The following HTR4 variants were observed in gnomAD, a reference collection of about 807,000 sequenced individuals.
HTR4 encodes the protein 5-hydroxytryptamine receptor 4.
Under a neutral mutation model 36.8 loss-of-function variants are expected in HTR4, and 16 were observed. The observed-to-expected ratio is 0.43, with a 90% confidence interval of 0.29 to 0.66. The LOEUF (loss-of-function observed/expected upper bound fraction) is 0.66, where lower values mean the gene tolerates loss of function less well. Among genes scored for constraint, HTR4 ranks in the 30% least tolerant of loss-of-function variants. HTR4 has a pLI of 0.13. For synonymous variants in HTR4, 189 were observed against 185.1 expected (o/e 1.02, Z -0.17); for missense variants, 438 against 490.9 (o/e 0.89, Z 1.02).
intron 5 of HTR4, among the ~76,000 whole-genome samples, chr5:148,514,972 C>G (rs966827493): frequency 2.0e-5 from 3 of 151,972 alleles, no homozygotes; most frequent in Admixed American, 2.0e-4. Flanking sequence ...TGTTTTGATG[C>G]AGTCTGACAA....
rs531018568 is a variant in HTR4, at chr5:148,653,598, C to G, written c.-48+464G>C. On this transcript the variant is annotated intron_variant, in intron 1 of 6. Coordinates refer to ENST00000377888, the MANE Select transcript of HTR4 (RefSeq NM_000870.7). The stretch of plus-strand genomic sequence containing the variant: ...ACGCTCAAGACACACTATCTTGTCT[C>G]TCTCTCTCTAACACACACACACACA... Among the ~76,000 whole-genome samples the G allele has an allele frequency of 1.2e-3, 160 of 132,742 alleles. 1 individual carries two copies. The highest frequency in any genetic ancestry group is 4.3e-3 in the African/African-American group (152 of 35,366). 87.1% of individuals were successfully genotyped at this position (132,742 alleles called of 152,430 possible).
chr5:148,457,440 G>C (rs774748078), intron 5 of HTR4, among the ~76,000 whole-genome samples: 7 of 150,548 alleles, frequency 4.6e-5, no homozygotes, highest in African/African-American at 1.5e-4. Flanking sequence ...AATTAGCATC[G>C]CACTTAGAGC....
rs777937460 is a variant in HTR4 at position 148,509,821 on chromosome 5, C to T, written c.711G>A (p.Glu237=). The T allele has an allele frequency of 6.2e-7, 1 of 1,614,006 alleles. No homozygotes were observed. The highest frequency in any genetic ancestry group is 8.5e-7 in the Non-Finnish European group (1 of 1,179,998). The change falls in exon 6 of 7, where the codon GAG becomes GAA. Residue 237 remains glutamate (E), a synonymous_variant. Coordinates refer to ENST00000377888, the MANE Select transcript of HTR4 (RefSeq NM_000870.7). The part of the protein sequence containing the change: ...QMLQRAGASS[E]SRPQSADQHS... ...GCTGGTCTGCCGACTGAGGCCTGCT[C>T]TCGGAGGAGGCTCCTGCCCGTTGTA...
chr5:148,521,504 G>A (rs934301584), intron 5 of HTR4, among the ~76,000 whole-genome samples: 2 of 151,670 alleles, frequency 1.3e-5, no homozygotes, highest in African/African-American at 4.8e-5. Flanking sequence ...GACTCTCCTG[G>A]GCTCTAGTGT....
chr5:148,639,207 AT>A (rs1753648290), intron 1 of HTR4, among the ~76,000 whole-genome samples: 1 of 152,052 alleles, frequency 6.6e-6, no homozygotes, highest in African/African-American at 2.4e-5. Flanking sequence ...CCAGAATGAT[AT>A]TTTTTAAATG....
chr5:148,569,497 T>C (rs1033784845), intron 2 of HTR4, among the ~76,000 whole-genome samples: 4 of 152,182 alleles, frequency 2.6e-5, no homozygotes, highest in South Asian at 4.1e-4. Context: ...TGTGCATGTA[T>C]CCTGGAACTT....
intron 2 of HTR4, among the ~76,000 whole-genome samples, chr5:148,569,778 T>C (rs1212407221): frequency 1.3e-5 from 2 of 151,980 alleles, no homozygotes; most frequent in African/African-American, 4.8e-5. Flanking sequence ...TGCATACATA[T>C]ACACATATTT....
At chr5:148,518,751 C>T (rs1355498777) in intron 5 of HTR4, among the ~76,000 whole-genome samples, 3 of 152,160 alleles carry the variant, frequency 2.0e-5, no homozygotes, top group African/African-American at 7.2e-5. Flanking sequence ...CCTTGAACTA[C>T]CCAAGCATGC....
chr5:148,585,766 C>T (rs569448979), intron 2 of HTR4, among the ~76,000 whole-genome samples: 7 of 152,034 alleles, frequency 4.6e-5, no homozygotes, highest in Non-Finnish European at 7.4e-5. Flanking sequence ...TTTTGTATAC[C>T]GTCAGAAAGT....
intron 1 of HTR4, among the ~76,000 whole-genome samples, chr5:148,643,521 G>GA (rs1307318415): frequency 6.6e-6 from 1 of 151,596 alleles, no homozygotes; most frequent in Admixed American, 6.6e-5. Context: ...ATTTTGTGGG[G>GA]AAAAAAAAGA....
chr5:148,647,565 A>C (rs1208859232), intron 1 of HTR4, among the ~76,000 whole-genome samples: 1 of 152,128 alleles, frequency 6.6e-6, no homozygotes, highest in Non-Finnish European at 1.5e-5. Context: ...TAAGGTGGTT[A>C]GGGCCGGGGG....
At chr5:148,467,858 GC>G (rs1279299437) in intron 5 of HTR4, among the ~76,000 whole-genome samples, 1 of 152,132 alleles carries the variant, frequency 6.6e-6, no homozygotes, top group Non-Finnish European at 1.5e-5. Context: ...ATTGTACAAA[GC>G]CCTTGGACAT....
In HTR4 at chr5:148,610,303, G is replaced by T. The variant is rs555335677; in HGVS notation, c.26+26686C>A. 5.9e-5 allele frequency among the ~76,000 whole-genome samples: 9 copies of T among 152,284 alleles called. No homozygotes were observed. In the South Asian group the frequency reaches 1.9e-3, roughly 32 times the overall value. On this transcript the variant is annotated intron_variant, in intron 2 of 6. Transcript: ENST00000377888. ...CATCTGAGCTTTGAAGAGAGCAGTG[G>T]TTCTCCCAGTACGCAGCTGGAGATC...
intron 1 of HTR4, 94 bp downstream of exon 1, chr5:148,653,968 C>T (rs1754116198): frequency 1.2e-6 from 1 of 827,268 alleles, no homozygotes; most frequent in South Asian, 5.5e-5. Context: ...CCCCCAAGCC[C>T]CCGACCCCGT....
Position 148,605,729 on chromosome 5 carries a change from C to T in HTR4, c.26+31260G>A, listed in dbSNP as rs563300252. ...TATCACCATTGTATAGATGAAGAAACTAAATGTTTCTGTGATTTAAAAAAA... is the reference window on the plus strand; with the variant it reads ...TATCACCATTGTATAGATGAAGAAATTAAATGTTTCTGTGATTTAAAAAAA... On this transcript the variant is annotated intron_variant, in intron 2 of 6. Transcript: ENST00000377888. 1.9e-4 allele frequency among the ~76,000 whole-genome samples: 28 copies of T among 151,144 alleles called. No homozygotes were observed. In the South Asian group the frequency reaches 5.6e-3, roughly 30 times the overall value.
chr5:148,537,225 A>G (rs1307412513), intron 4 of HTR4, among the ~76,000 whole-genome samples: 1 of 152,174 alleles, frequency 6.6e-6, no homozygotes, highest in Non-Finnish European at 1.5e-5. Flanking sequence ...GATCTATGGA[A>G]CACAGCAAAG....
chr5:148,629,039 G>T (rs979545068), intron 2 of HTR4: 2 of 151,932 alleles, frequency 1.3e-5, no homozygotes, highest in African/African-American at 4.8e-5. Context: ...CAAGCTATTT[G>T]CATCCGCTGA....
chr5:148,642,801 G>T (rs1325062525), intron 1 of HTR4, among the ~76,000 whole-genome samples: 1 of 152,114 alleles, frequency 6.6e-6, no homozygotes, highest in Non-Finnish European at 1.5e-5. Context: ...GAAACATTCA[G>T]AATTTATAGG....
chr5:148,581,633 G>T (rs1357331551), intron 2 of HTR4, among the ~76,000 whole-genome samples: 1 of 152,036 alleles, frequency 6.6e-6, no homozygotes, highest in Non-Finnish European at 1.5e-5. Flanking sequence ...CCTTATTGAA[G>T]ATTAATTGAC....
Sources: gnomAD v4.1 joint callset for allele counts (sites outside exome capture counted in the v4.1 genomes callset) on GRCh38, gnomAD v4.1.1 for gene constraint, MANE v1.5 for transcripts, NCBI Gene and HGNC (gene_info 2026-07-23, HGNC 2026-07-21) for gene names.